APCDD1L: variants seen among roughly 807,000 people sequenced by gnomAD.
APCDD1L encodes APC down-regulated 1 like, also known as protein APCDD1-like.
Under a neutral mutation model 24.2 loss-of-function variants are expected in APCDD1L, and 21 were observed. That is an observed-to-expected ratio of 0.87 (90% CI 0.61 to 1.25). APCDD1L has a LOEUF of 1.25. APCDD1L is among the 50% of genes most tolerant of loss of function. The pLI is 0.00. For missense variants in APCDD1L, 704 were observed against 711.7 expected (o/e 0.99, Z 0.12); for synonymous variants, 321 against 323.6 (o/e 0.99, Z 0.09).
chr20:58,473,096 T>A (rs1416753047), intron 1 of APCDD1L, among the ~76,000 whole-genome samples: 2 of 152,096 alleles, frequency 1.3e-5, no homozygotes, highest in African/African-American at 4.8e-5. Flanking sequence ...TCAAAAGGGG[T>A]CAGCAATATT....
rs761010544 is a variant in APCDD1L at position 58,461,422 on chromosome 20, G to GC, written c.873dup (p.Arg292AlafsTer63). ...CGGGTGAGGAACAGGACTGCTGGGCGCACCTCGCACCCCGAGCTGACCCAC... is the reference window on the plus strand; with the variant it reads ...CGGGTGAGGAACAGGACTGCTGGGCGCCACCTCGCACCCCGAGCTGACCCAC... On this transcript the variant is annotated frameshift_variant, in exon 4 of 4. Transcript: ENST00000371149. LOFTEE classifies it low-confidence loss of function (END_TRUNC). The surrounding 1 kb of genome is among the most constrained non-coding windows in gnomAD (Gnocchi z 6.0). 263 of 1,531,094 alleles carry GC rather than the reference G, an allele frequency of 1.7e-4. No homozygotes were observed. Among genetic ancestry groups the GC allele is most frequent in the Non-Finnish European group, 2.1e-4 (240 of 1,135,612 alleles). The allele number at this position is 1,531,094 out of a possible 1,614,324, so 94.8% of individuals were successfully genotyped here. A position where few individuals can be genotyped will look rare whatever the true frequency, so the allele number is the denominator to read the frequency against.
intron 1 of APCDD1L, among the ~76,000 whole-genome samples, chr20:58,477,148 C>T (rs144770613): frequency 5.3e-4 from 80 of 152,316 alleles, no homozygotes; most frequent in African/African-American, 1.8e-3. Flanking sequence ...TAACATCTTA[C>T]GCAGACATTG....
At chr20:58,493,190 C>T (rs933339793) in intron 1 of APCDD1L, among the ~76,000 whole-genome samples, 23 of 152,378 alleles carry the variant, frequency 1.5e-4, no homozygotes, top group African/African-American at 5.5e-4. Flanking sequence ...AGTGCATGCA[C>T]ACAGGCACAT....
intron 1 of APCDD1L, among the ~76,000 whole-genome samples, chr20:58,506,063 A>C (rs1048722020): frequency 6.6e-6 from 1 of 151,962 alleles, no homozygotes; most frequent in African/African-American, 2.4e-5. Flanking sequence ...CAAGCCCCCC[A>C]CTTCATAGTA....
At chr20:58,482,524 G>C (rs1045368841) in intron 1 of APCDD1L, among the ~76,000 whole-genome samples, 4 of 152,200 alleles carry the variant, frequency 2.6e-5, no homozygotes, top group Non-Finnish European at 4.4e-5. Flanking sequence ...GCCCAGCTGG[G>C]TTCTTACCCT....
intron 1 of APCDD1L, among the ~76,000 whole-genome samples, chr20:58,513,376 C>T (rs189491324): frequency 5.3e-5 from 8 of 152,182 alleles, no homozygotes; most frequent in East Asian, 1.9e-4. Context: ...TGTCACCTCT[C>T]GCTCCCAGAC....
At chr20:58,480,944 C>T (rs954495956) in intron 1 of APCDD1L, among the ~76,000 whole-genome samples, 2 of 152,200 alleles carry the variant, frequency 1.3e-5, no homozygotes, top group Admixed American at 1.3e-4. Context: ...CCAGATGTTC[C>T]GGTGTTTTGG....
intron 1 of APCDD1L, among the ~76,000 whole-genome samples, chr20:58,479,471 G>C (rs1292579747): frequency 6.6e-6 from 1 of 152,160 alleles, no homozygotes; most frequent in Non-Finnish European, 1.5e-5. Context: ...GAAGACCCTG[G>C]GGTTATTTTT....
At position 58,497,070 on chromosome 20, in the gene APCDD1L, G is replaced by A. The variant is rs1254238102; in HGVS notation, c.49+17589C>T. Among the ~76,000 whole-genome samples, 1 of 152,168 alleles carries A rather than the reference G, an allele frequency of 6.6e-6. No individual in the cohort carries two copies. ...CAGTGACAGGGGCCCTTTGAGGAGT[G>A]AGGCCATGCAGGGGACAGCTCGAGA... is the stretch of plus-strand genomic sequence containing the variant. On this transcript the variant is annotated intron_variant, in intron 1 of 3. Transcript: ENST00000371149. The surrounding 1 kb of genome is among the most constrained non-coding windows in gnomAD (Gnocchi z 4.3).
In APCDD1L at chr20:58,470,636, C is replaced by G. The variant is rs148393493; in HGVS notation, c.161G>C (p.Arg54Pro). ...TGTGGAGATCCAAGGTCCATTAAGG[C>G]GTGGAGGCAGGATCGCAGTGCTGGG... The part of the protein sequence containing the change: ...RVPSTAILPP[R>P]LNGPWISTGC... The change falls in exon 2 of 4, where the codon CGC becomes CCC. Residue 54 changes from arginine (R) to proline (P), a missense_variant. Physicochemically the swap from Arg to Pro is moderately radical, Grantham distance 103. Transcript: ENST00000371149. 6.3e-6 allele frequency: 10 copies of G among 1,584,210 alleles called. No homozygotes were observed. Among genetic ancestry groups the G allele is most frequent in the Non-Finnish European group, 8.6e-6 (10 of 1,165,106 alleles).
At position 58,492,913 on chromosome 20, in the gene APCDD1L, T is replaced by C. The variant is rs537554432; in HGVS notation, c.49+21746A>G. On this transcript the variant is annotated intron_variant, in intron 1 of 3. Transcript: ENST00000371149. Reference sequence around the variant, plus strand: ...TACACACATACACATAATGCAAGCATGCACACATGCATACACATGCACTCA... The same window carrying C: ...TACACACATACACATAATGCAAGCACGCACACATGCATACACATGCACTCA... Among the ~76,000 whole-genome samples, 6 of 149,640 alleles carry C rather than the reference T, an allele frequency of 4.0e-5. No individual in the cohort carries two copies. In the East Asian group the frequency reaches 7.9e-4, roughly 20 times the overall value.
chr20:58,476,993 C>T (rs972928525), intron 1 of APCDD1L, among the ~76,000 whole-genome samples: 1 of 152,228 alleles, frequency 6.6e-6, no homozygotes, highest in African/African-American at 2.4e-5. Context: ...GTGCAGCACT[C>T]ATCACATCTG....
chr20:58,467,629 A>T lies in APCDD1L; in HGVS notation c.218T>A (p.Leu73Gln). The T allele has an allele frequency of 6.6e-7, 1 of 1,520,298 alleles. No homozygotes were observed. Among genetic ancestry groups the T allele is most frequent in the Non-Finnish European group, 8.9e-7 (1 of 1,129,322 alleles). The allele number at this position is 1,520,298 out of a possible 1,614,324, so 94.2% of individuals were successfully genotyped here. ...GGGGTAGAAGGTGTAGGCGCGGGTC[A>T]GGAACTCCGGTCCTGGGCGCACCTC... ...GCEVRPGPEFLTRAYTFYPSR... is the reference protein window; with the variant it reads ...GCEVRPGPEFQTRAYTFYPSR... Residue 73 changes from leucine to glutamine, a missense_variant, in exon 3 of 4, where the codon CTG (leucine) becomes CAG (glutamine). Coordinates refer to ENST00000371149, the MANE Select transcript of APCDD1L (RefSeq NM_153360.3). The surrounding 1 kb of genome is among the most constrained non-coding windows in gnomAD (Gnocchi z 5.9).
Position 58,460,732 on chromosome 20 carries a change from G to T in APCDD1L, c.*58C>A. 1 of 1,488,098 alleles carries T rather than the reference G, an allele frequency of 6.7e-7. No homozygotes were observed. Among genetic ancestry groups the T allele is most frequent in the East Asian group, 2.3e-5 (1 of 43,488 alleles). 92.2% of individuals were successfully genotyped at this position (1,488,098 alleles called of 1,614,324 possible). The stretch of plus-strand genomic sequence containing the variant: ...GGTTCCTTCCCTACAGCTGCCAGGA[G>T]GGAGTCTGAAGGGTTGAATGGGTGT... On this transcript the variant is annotated 3_prime_UTR_variant, in exon 4 of 4. Transcript: ENST00000371149. This position sits in a 1 kb window ranked among gnomAD's most constrained non-coding sequence, Gnocchi z 4.2.
rs1238683769 is a variant in APCDD1L at position 58,494,236 on chromosome 20, CAT to C, written c.49+20421_49+20422del. ...TAAGTGGACCTGGGCAGGTGAAACT[CAT>C]GTGGTTTAAGGGTCAACTGCATTTC... On this transcript the variant is annotated intron_variant, in intron 1 of 3. Coordinates refer to ENST00000371149, the MANE Select transcript of APCDD1L (RefSeq NM_153360.3). The surrounding 1 kb of genome is among the most constrained non-coding windows in gnomAD (Gnocchi z 4.8). Among the ~76,000 whole-genome samples the C allele has an allele frequency of 2.0e-5, 3 of 152,174 alleles. No individual in the cohort carries two copies. The highest frequency in any genetic ancestry group is 7.2e-5 in the African/African-American group (3 of 41,430).
intron 1 of APCDD1L, among the ~76,000 whole-genome samples, chr20:58,474,704 C>CAAACA (rs762333127): frequency 8.1e-4 from 124 of 152,208 alleles, no homozygotes; most frequent in East Asian, 3.1e-3. Flanking sequence ...GACTCAGTCT[C>CAAACA]AAACAAAACA....
rs576706641 is a variant in APCDD1L at position 58,467,163 on chromosome 20, C to A, written c.684G>T (p.Pro228=). ...ELYLGDIHTD[P]AERRHYRPTG... is the part of the protein sequence containing the mutation. ...TGGGCCGGTAGTGCCGCCTCTCCGC[C>A]GGGTCGGTGTGGATGTCCCCCAGGT... The change falls in exon 3 of 4, where the codon CCG becomes CCT. Residue 228 remains proline (P), a synonymous_variant. Coordinates refer to ENST00000371149, the MANE Select transcript of APCDD1L (RefSeq NM_153360.3). The surrounding 1 kb of genome is among the most constrained non-coding windows in gnomAD (Gnocchi z 5.9). The A allele has an allele frequency of 1.2e-6, 2 of 1,607,892 alleles. No homozygotes were observed. Among genetic ancestry groups the A allele is most frequent in the Admixed American group, 3.3e-5 (2 of 59,978 alleles).
At chr20:58,462,843 C>CAAAAAA (rs59846654) in intron 3 of APCDD1L, among the ~76,000 whole-genome samples, 6,900 of 113,780 alleles carry the variant, frequency 0.061, 244 homozygotes, top group Non-Finnish European at 0.097. Context: ...GACACCATCT[C>CAAAAAA]AAAAAAAAAA....
rs1185452373 is a variant in APCDD1L, at chr20:58,461,798, C to T, written c.742-244G>A. The T allele has an allele frequency of 1.0e-5, 4 of 396,800 alleles. No individual in the cohort carries two copies. The East Asian group carries it at 1.1e-4, about 11-fold the overall frequency. The allele number at this position is 396,800 out of a possible 1,614,324, so 24.6% of individuals were successfully genotyped here. ...GCCTTGGGTCTCCTGCTGTCTCTTCCACCTGGAATTCCCCGCCAGCTCCTT... is the reference window on the plus strand; with the variant it reads ...GCCTTGGGTCTCCTGCTGTCTCTTCTACCTGGAATTCCCCGCCAGCTCCTT... On this transcript the variant is annotated intron_variant, in intron 3 of 3. Transcript: ENST00000371149. The surrounding 1 kb of genome is among the most constrained non-coding windows in gnomAD (Gnocchi z 6.0).
Sources: allele counts gnomAD v4.1 joint callset (sites outside exome capture counted in the v4.1 genomes callset), GRCh38; gene constraint gnomAD v4.1.1; non-coding constraint Gnocchi (gnomAD v3.1); transcripts MANE v1.5; gene names NCBI Gene and HGNC (gene_info 2026-07-23, HGNC 2026-07-21).